YBEY: variants seen among roughly 807,000 people sequenced by gnomAD.
The protein encoded by YBEY is endoribonuclease YbeY.
YBEY carries 15 observed loss-of-function variants against 13.5 expected under a neutral mutation model. The ratio of observed to expected loss-of-function variants is 1.11; its 90% CI spans 0.75 to 1.72. The LOEUF is 1.72. Ranked by LOEUF, YBEY falls within the 40% of genes most tolerant of loss-of-function variation. The probability of loss-of-function intolerance (pLI) is 0.00; values close to 1 mark genes in which losing one functional copy is unlikely to be tolerated. For missense variants in YBEY, 244 were observed against 208.4 expected (o/e 1.17, Z -1.05); for synonymous variants, 101 against 83.1 (o/e 1.21, Z -1.17).
downstream of YBEY, among the ~76,000 whole-genome samples, chr21:46,298,387 G>A (rs1208485361): frequency 4.0e-5 from 6 of 150,900 alleles, no homozygotes; most frequent in Admixed American, 3.3e-4. Flanking sequence ...GCTTCATGTC[G>A]AAAAAGTACT....
the YBEY span, among the ~76,000 whole-genome samples, chr21:46,303,635 T>C: frequency 7.3e-6 from 1 of 137,294 alleles, no homozygotes. Flanking sequence ...GAGAAGTCCT[T>C]GAGACCAGGA....
intron 2 of YBEY, among the ~76,000 whole-genome samples, chr21:46,290,475 A>G (rs1031719306): frequency 8.6e-5 from 13 of 150,858 alleles, no homozygotes; most frequent in African/African-American, 2.7e-4. Context: ...AAGTGCTGGG[A>G]TTACAGCTGT....
downstream of YBEY, chr21:46,301,056 T>C: frequency 1.9e-6 from 2 of 1,034,816 alleles, no homozygotes; most frequent in Non-Finnish European, 2.3e-6. Context: ...CATGTAGAGA[T>C]TTCTGCATTT....
At chr21:46,296,967 G>A (rs1473641688) in intron 4 of YBEY, among the ~76,000 whole-genome samples, 1 of 148,286 alleles carries the variant, frequency 6.7e-6, no homozygotes, top group Admixed American at 6.8e-5. Flanking sequence ...TTGCACTCCA[G>A]CCTGGGCAAC....
the YBEY span, among the ~76,000 whole-genome samples, chr21:46,307,143 T>G: frequency 6.7e-6 from 1 of 149,434 alleles, no homozygotes; most frequent in African/African-American, 2.5e-5. Flanking sequence ...TGATCCAGCC[T>G]CTTTAGCCTC....
downstream of YBEY, chr21:46,302,215 G>A (rs114312246): frequency 1.6e-3 from 2,250 of 1,433,396 alleles, 32 homozygotes; most frequent in African/African-American, 0.029. Context: ...CTCCACTCCC[G>A]CCCTGTTCCT....
intron 3 of YBEY, among the ~76,000 whole-genome samples, chr21:46,295,891 G>T (rs1184338444): frequency 6.6e-6 from 1 of 151,418 alleles, no homozygotes; most frequent in African/African-American, 2.4e-5. Context: ...CCTGCGGCTG[G>T]GCAGTTCCAT....
chr21:46,311,382 C>T, the YBEY span: 1 of 859,580 alleles, frequency 1.2e-6, no homozygotes, highest in Non-Finnish European at 1.8e-6. Flanking sequence ...AGTGACTGTC[C>T]TGCTTCCAGG....
At chr21:46,299,794 C>T (rs536069665), downstream of YBEY, among the ~76,000 whole-genome samples, 12 of 151,250 alleles carry the variant, frequency 7.9e-5, no homozygotes, top group Non-Finnish European at 1.6e-4. Context: ...GAGAAGCCCC[C>T]ACTCCTAACT....
At chr21:46,298,895 T>G (rs1045989640), downstream of YBEY, among the ~76,000 whole-genome samples, 2 of 151,930 alleles carry the variant, frequency 1.3e-5, no homozygotes, top group Non-Finnish European at 2.9e-5. Context: ...CAGCTAATTT[T>G]TGTTTCTGTA....
At chr21:46,296,522 C>G (rs565992906) in intron 4 of YBEY, among the ~76,000 whole-genome samples, 1 of 152,306 alleles carries the variant, frequency 6.6e-6, no homozygotes, top group East Asian at 1.9e-4. Context: ...CTAGGCCAGA[C>G]CCAGGGCGGA....
the YBEY span, chr21:46,311,597 C>A: frequency 7.2e-7 from 1 of 1,391,094 alleles, no homozygotes; most frequent in Non-Finnish European, 1.0e-6. Context: ...TAGCTATCTG[C>A]ATATGTCCTT....
intron 3 of YBEY, chr21:46,292,339 C>T (rs1168464349): frequency 6.6e-6 from 1 of 152,242 alleles, no homozygotes; most frequent in African/African-American, 2.4e-5. Flanking sequence ...GGCTGGTTCT[C>T]CTCAGGACAC....
downstream of YBEY, among the ~76,000 whole-genome samples, chr21:46,298,130 C>A (rs1273225666): frequency 2.6e-5 from 4 of 152,256 alleles, no homozygotes; most frequent in Admixed American, 2.0e-4. Context: ...TAGCCAGGGC[C>A]ACGGCGAGGC....
At chr21:46,310,341 T>C in the YBEY span, among the ~76,000 whole-genome samples, 1 of 151,454 alleles carries the variant, frequency 6.6e-6, no homozygotes, top group African/African-American at 2.4e-5. Context: ...TAGCTGGGCA[T>C]GGTGGTGGGC....
chr21:46,301,886 C>T, downstream of YBEY: 1 of 1,336,374 alleles, frequency 7.5e-7, no homozygotes, highest in Non-Finnish European at 9.6e-7. Context: ...CGTAGCCACT[C>T]CGGGTGGTGG....
chr21:46,299,232 T>C (rs371119031), downstream of YBEY, among the ~76,000 whole-genome samples: 1 of 152,142 alleles, frequency 6.6e-6, no homozygotes, highest in African/African-American at 2.4e-5. Context: ...CCTCCCAAAG[T>C]GCTGACATTA....
chr21:46,308,902 C>T, the YBEY span, among the ~76,000 whole-genome samples: 3 of 152,178 alleles, frequency 2.0e-5, no homozygotes, highest in African/African-American at 7.2e-5. Flanking sequence ...GCCCCCTTGC[C>T]ACGTGATGCC....
At chr21:46,301,004 C>A (rs562130315), downstream of YBEY, 10 of 901,136 alleles carry the variant, frequency 1.1e-5, no homozygotes, top group African/African-American at 5.3e-5. Context: ...CACTGCCCAG[C>A]ACTCACCTTT....
Sources: gnomAD v4.1 joint callset for allele counts (sites outside exome capture counted in the v4.1 genomes callset) on GRCh38, gnomAD v4.1.1 for gene constraint, MANE v1.5 for transcripts, NCBI Gene and HGNC (gene_info 2026-07-23, HGNC 2026-07-21) for gene names.